TMPRSS6: variants seen among roughly 807,000 people sequenced by gnomAD.
The protein encoded by TMPRSS6 is transmembrane protease serine 6.
TMPRSS6 carries 67 observed loss-of-function variants against 101.5 expected under a neutral mutation model. The ratio of observed to expected loss-of-function variants is 0.66; its 90% confidence interval spans 0.54 to 0.81. TMPRSS6 has a LOEUF of 0.81. Ranked by LOEUF, TMPRSS6 falls within the 30% of genes least tolerant of loss-of-function variation. The probability of loss-of-function intolerance (pLI) is 0.00; values close to 1 mark genes in which losing one functional copy is unlikely to be tolerated. For synonymous variants in TMPRSS6, 453 were observed against 464.9 expected, an observed-to-expected ratio of 0.97 and a Z score of 0.33; for missense variants, 1,034 against 1,088.7, an observed-to-expected ratio of 0.95 and a Z score of 0.71.
chr22:37,072,191 TGATG>T lies in TMPRSS6; in HGVS notation c.1556-1163_1556-1160del, dbSNP rs199543498. Among the ~76,000 whole-genome samples the T allele has an allele frequency of 3.1e-4, 44 of 139,706 alleles. No individual in the cohort carries two copies. The East Asian group carries it at 9.5e-3, about 30-fold the overall frequency. The allele number at this position is 139,706 out of a possible 152,430, so 91.7% of individuals were successfully genotyped here. On this transcript the variant is annotated intron_variant, in intron 13 of 17. Transcript: ENST00000676104. ...GATGAACGGATGATGGATGGATGGATGATGGATGAATGGATGGATGGATGATGGA... is the reference window on the plus strand; with the variant it reads ...GATGAACGGATGATGGATGGATGGATGATGAATGGATGGATGGATGATGGA...
chr22:37,072,614 AT>A, intron 13 of TMPRSS6, among the ~76,000 whole-genome samples: 1 of 126,404 alleles, frequency 7.9e-6, no homozygotes, highest in South Asian at 2.9e-4. Flanking sequence ...TGGATGGATG[AT>A]GGACGATGGA....
chr22:37,069,366 TGGGG>T lies in TMPRSS6; in HGVS notation c.1842-26_1842-23del. ...CATGCTGGGGTGGGGTGGGGTGGGG[TGGGG>T]TGGGGTGAGGTGAGGTGGGAGGAAG... On this transcript the variant is annotated intron_variant, in intron 15 of 17. Coordinates refer to ENST00000676104, the MANE Select transcript of TMPRSS6 (RefSeq NM_001374504.1). This position sits in a 1 kb window ranked among gnomAD's most constrained non-coding sequence, Gnocchi z 4.8. The T allele has an allele frequency of 2.0e-5, 2 of 101,352 alleles. No individual in the cohort carries two copies. Among genetic ancestry groups the T allele is most frequent in the African/African-American group, 2.3e-4 (1 of 4,350 alleles). 6.3% of individuals were successfully genotyped at this position (101,352 alleles called of 1,614,324 possible).
intron 4 of TMPRSS6, 21 bp downstream of exon 4, chr22:37,096,627 T>C: frequency 5.8e-6 from 9 of 1,556,076 alleles, no homozygotes; most frequent in Non-Finnish European, 7.8e-6. Flanking sequence ...CAGGAGCTGG[T>C]CAGGGGCAAG....
At chr22:37,088,878 T>G (rs1928993911) in intron 7 of TMPRSS6, among the ~76,000 whole-genome samples, 2 of 152,194 alleles carry the variant, frequency 1.3e-5, no homozygotes, top group African/African-American at 2.4e-5. Flanking sequence ...CCTCCAATGA[T>G]CCGGCAAGGT....
intron 2 of TMPRSS6, among the ~76,000 whole-genome samples, chr22:37,102,838 C>T (rs1930441520): frequency 6.6e-6 from 1 of 152,116 alleles, no homozygotes; most frequent in South Asian, 2.1e-4. Flanking sequence ...TTCTTTAGGG[C>T]TGGGTTGGCT....
intron 6 of TMPRSS6, among the ~76,000 whole-genome samples, chr22:37,092,300 C>G (rs1488962335): frequency 6.6e-6 from 1 of 151,936 alleles, no homozygotes; most frequent in Non-Finnish European, 1.5e-5. Flanking sequence ...TTCCTGCCTA[C>G]CCCCATGCCT....
Position 37,066,797 on chromosome 22 carries a change from TCTCTCCCTCCC to T in TMPRSS6, c.2250+18_2250+28del. 6.2e-7 allele frequency: 1 copy of T among 1,613,978 alleles called. No individual in the cohort carries two copies. The highest frequency in any genetic ancestry group is 8.5e-7 in the Non-Finnish European group (1 of 1,179,928). ...TGTGGGCAGCATCCTTTCTCCCTCC[TCTCTCCCTCCC>T]ATGCCCGGGGGACTCACCTGACAGG... On this transcript the variant is annotated intron_variant, in intron 17 of 17. Transcript: ENST00000676104.
intron 7 of TMPRSS6, among the ~76,000 whole-genome samples, chr22:37,086,769 C>T (rs1813527290): frequency 6.6e-6 from 1 of 152,074 alleles, no homozygotes; most frequent in Admixed American, 6.5e-5. Flanking sequence ...TGACCCCTAG[C>T]GTCCCTGGCA....
chr22:37,072,303 G>C (rs1927061154), intron 13 of TMPRSS6, among the ~76,000 whole-genome samples: 1 of 136,564 alleles, frequency 7.3e-6, no homozygotes, highest in Non-Finnish European at 1.5e-5. Context: ...TGGATGGATG[G>C]ATGATGGATG....
rs749507146 is a variant in TMPRSS6 at position 37,068,671 on chromosome 22, C to T, written c.2113+402G>A. The stretch of plus-strand genomic sequence containing the variant: ...ATCCATAAAATAGGGCCACAGCATC[C>T]GCCCGTAGGGCTGTTGGGTGGATTA... On this transcript the variant is annotated intron_variant, in intron 16 of 17. Coordinates refer to ENST00000676104, the MANE Select transcript of TMPRSS6 (RefSeq NM_001374504.1). 5.9e-5 allele frequency: 46 copies of T among 779,564 alleles called. No homozygotes were observed. In the East Asian group the frequency reaches 1.0e-3, roughly 18 times the overall value. The allele number at this position is 779,564 out of a possible 1,614,324, so 48.3% of individuals were successfully genotyped here.
At chr22:37,104,397 T>C (rs1569029285) in intron 1 of TMPRSS6, among the ~76,000 whole-genome samples, 2 of 152,200 alleles carry the variant, frequency 1.3e-5, no homozygotes, top group Non-Finnish European at 2.9e-5. Flanking sequence ...CCCTGCTTTT[T>C]CCACGAATCT....
chr22:37,075,605 T>C (rs1018103553), intron 10 of TMPRSS6, among the ~76,000 whole-genome samples: 1 of 152,132 alleles, frequency 6.6e-6, no homozygotes, highest in Non-Finnish European at 1.5e-5. Context: ...TCCTCCCTTA[T>C]AAAACAAGAA....
At chr22:37,074,992 C>A (rs1437348892) in intron 11 of TMPRSS6, 143 bp downstream of exon 11, 14 of 1,431,388 alleles carry the variant, frequency 9.8e-6, no homozygotes, top group Non-Finnish European at 1.4e-5. Context: ...TAAATTTGTG[C>A]AAGCACATAC....
At chr22:37,073,749 AC>A in intron 12 of TMPRSS6, 104 bp from the exon 13 acceptor site, 9 of 785,340 alleles carry the variant, frequency 1.1e-5, no homozygotes, top group Non-Finnish European at 1.2e-5. Context: ...GTTACCAATC[AC>A]AAATCTCTTT....
intron 3 of TMPRSS6, among the ~76,000 whole-genome samples, chr22:37,097,099 C>T (rs2146159860): frequency 6.6e-6 from 1 of 151,828 alleles, no homozygotes; most frequent in South Asian, 2.1e-4. Context: ...TCTCCAACTA[C>T]AGCGCTGCTG....
rs78611760 is a variant in TMPRSS6 at position 37,089,920 on chromosome 22, T to C, written c.632-138A>G. The C allele has an allele frequency of 5.3e-4, 385 of 727,272 alleles. 1 individual carries two copies. In the African/African-American group the frequency reaches 6.0e-3, roughly 11 times the overall value. 45.1% of individuals were successfully genotyped at this position (727,272 alleles called of 1,614,324 possible). ...GCCGGGTGGGGATAGCCAGACATGC[T>C]CTACCCCATCCTTCTCTTTCCCTGT... On this transcript the variant is annotated intron_variant, in intron 6 of 17. Transcript: ENST00000676104.
chr22:37,110,072 A>G (rs1014964012), upstream of TMPRSS6, among the ~76,000 whole-genome samples: 11 of 142,900 alleles, frequency 7.7e-5, no homozygotes, highest in African/African-American at 2.8e-4. Flanking sequence ...GAGAAAGGGG[A>G]GGCAGGGGTG....
intron 8 of TMPRSS6, among the ~76,000 whole-genome samples, chr22:37,085,428 C>G (rs1038673383): frequency 1.3e-5 from 2 of 152,168 alleles, no homozygotes; most frequent in Non-Finnish European, 2.9e-5. Flanking sequence ...AGCTGGGGAC[C>G]CAGGTCTATG....
At chr22:37,066,800 C>T in intron 17 of TMPRSS6, 26 bp downstream of exon 17, 1 of 1,614,140 alleles carries the variant, frequency 6.2e-7, no homozygotes, top group Middle Eastern at 1.7e-4. Context: ...TCCCTCCTCT[C>T]TCCCTCCCAT....
Sources: allele counts gnomAD v4.1 joint callset (sites outside exome capture counted in the v4.1 genomes callset), GRCh38; gene constraint gnomAD v4.1.1; non-coding constraint Gnocchi (gnomAD v3.1); transcripts MANE v1.5; gene names NCBI Gene and HGNC (gene_info 2026-07-23, HGNC 2026-07-21).